Variants in ITCH observed in about 807,000 individuals in gnomAD.
The protein encoded by ITCH is itchy E3 ubiquitin protein ligase, also known as E3 ubiquitin-protein ligase Itchy homolog.
Under a neutral mutation model 126.8 loss-of-function variants are expected in ITCH, and 28 were observed. The ratio of observed to expected loss-of-function variants is 0.22; its 90% CI spans 0.16 to 0.30. The LOEUF (loss-of-function observed/expected upper bound fraction) is 0.30, where lower values mean the gene tolerates loss of function less well. Among genes scored for constraint, ITCH ranks in the 10% least tolerant of loss-of-function variants. The pLI is 1.00. For synonymous variants in ITCH, 342 were observed against 340.0 expected, an observed-to-expected ratio of 1.01 and a Z score of -0.06; for missense variants, 631 against 1,032.4, an observed-to-expected ratio of 0.61 and a Z score of 5.33.
intron 12 of ITCH, chr20:34,454,278 C>T (rs1162522635): frequency 9.2e-5 from 14 of 151,436 alleles, no homozygotes; most frequent in Admixed American, 9.2e-4. Context: ...GCTGGGACTA[C>T]AGGCGCCCGC....
At chr20:34,394,088 T>C (rs1339010910) in intron 3 of ITCH, among the ~76,000 whole-genome samples, 1 of 151,904 alleles carries the variant, frequency 6.6e-6, no homozygotes, top group Non-Finnish European at 1.5e-5. Context: ...GGTGCACACC[T>C]GCTGTCCCAG....
intron 17 of ITCH, among the ~76,000 whole-genome samples, chr20:34,478,691 G>A (rs1251412747): frequency 1.3e-5 from 2 of 152,046 alleles, no homozygotes; most frequent in African/African-American, 4.8e-5. Flanking sequence ...CTGTGTCTTT[G>A]TGTGCACGCT....
intron 2 of ITCH, among the ~76,000 whole-genome samples, chr20:34,374,833 G>A (rs1345851118): frequency 1.3e-5 from 2 of 151,150 alleles, no homozygotes; most frequent in Middle Eastern, 3.4e-3. Context: ...TCTGCCTCCC[G>A]GGTTCAAGCA....
chr20:34,406,445 A>G (rs1195036658), intron 3 of ITCH, among the ~76,000 whole-genome samples: 2 of 152,042 alleles, frequency 1.3e-5, no homozygotes, highest in South Asian at 2.1e-4. Context: ...GAAGTATTTG[A>G]TATATGTAAA....
chr20:34,427,683 T>C (rs1981733059), intron 7 of ITCH, among the ~76,000 whole-genome samples: 1 of 152,192 alleles, frequency 6.6e-6, no homozygotes, highest in Non-Finnish European at 1.5e-5. Context: ...ATTATGTCTC[T>C]TTTGTCTTTT....
chr20:34,419,984 CAG>C (rs1359114710), intron 6 of ITCH, among the ~76,000 whole-genome samples: 2 of 151,702 alleles, frequency 1.3e-5, no homozygotes, highest in African/African-American at 2.4e-5. Flanking sequence ...TATTAATAAA[CAG>C]ATTTAACGTT....
chr20:34,377,695 C>T (rs931626133), intron 2 of ITCH, among the ~76,000 whole-genome samples: 1 of 151,878 alleles, frequency 6.6e-6, no homozygotes, highest in African/African-American at 2.4e-5. Context: ...GAAACCCTGT[C>T]TCTACGAAAA....
At chr20:34,443,308 G>A (rs530014835) in intron 10 of ITCH, among the ~76,000 whole-genome samples, 27 of 151,890 alleles carry the variant, frequency 1.8e-4, no homozygotes, top group African/African-American at 6.3e-4. Context: ...TCAAGAGATC[G>A]AGACCATCCT....
At chr20:34,489,966 A>C (rs751110607) in intron 22 of ITCH, 40 bp downstream of exon 22, 2 of 1,458,758 alleles carry the variant, frequency 1.4e-6, no homozygotes, top group South Asian at 2.3e-5. Flanking sequence ...GACACAGCAT[A>C]ATTTTTTAGA....
chr20:34,412,665 T>A (rs1240949204), intron 5 of ITCH, 26 bp downstream of exon 5: 1 of 1,583,426 alleles, frequency 6.3e-7, no homozygotes, highest in Admixed American at 1.7e-5. Flanking sequence ...TAATAGAAAT[T>A]GCACTTAGCT....
At chr20:34,454,817 G>GTTTTTTTTTTTTTTTTTT (rs200486269) in intron 12 of ITCH, among the ~76,000 whole-genome samples, 1 of 109,558 alleles carries the variant, frequency 9.1e-6, no homozygotes, top group African/African-American at 3.8e-5. Flanking sequence ...TTCTTTTCCT[G>GTTTTTTTTTTTTTTTTTT]TTTTTTTTTT....
At chr20:34,475,017 G>A (rs1481085667) in intron 16 of ITCH, among the ~76,000 whole-genome samples, 2 of 151,670 alleles carry the variant, frequency 1.3e-5, no homozygotes, top group Non-Finnish European at 2.9e-5. Context: ...CATCCCAGAC[G>A]GGGCGGCGGG....
At chr20:34,394,155 T>C (rs555624652) in intron 3 of ITCH, among the ~76,000 whole-genome samples, 21 of 137,510 alleles carry the variant, frequency 1.5e-4, no homozygotes, top group Middle Eastern at 8.2e-3. Flanking sequence ...GAGGTTGCAG[T>C]GAGCTGAGTT....
At chr20:34,453,722 G>A (rs1241371694) in intron 12 of ITCH, among the ~76,000 whole-genome samples, 5 of 152,070 alleles carry the variant, frequency 3.3e-5, no homozygotes, top group South Asian at 2.1e-4. Context: ...GGCTGGGTAC[G>A]GTGGCTCATG....
chr20:34,408,903 C>A, intron 4 of ITCH, 111 bp downstream of exon 4: 2 of 1,091,002 alleles, frequency 1.8e-6, no homozygotes, highest in Non-Finnish European at 2.6e-6. Flanking sequence ...TTCCTCCTTT[C>A]TCTCTTCTTT....
intron 2 of ITCH, among the ~76,000 whole-genome samples, chr20:34,372,509 T>G (rs1427938612): frequency 6.8e-6 from 1 of 147,556 alleles, no homozygotes; most frequent in Admixed American, 6.9e-5. Flanking sequence ...GCCTCCTGAG[T>G]AGCTGGGATT....
chr20:34,401,721 A>G, intron 3 of ITCH: 1 of 772,024 alleles, frequency 1.3e-6, no homozygotes, highest in Non-Finnish European at 1.6e-6. Context: ...ATTAAAAAAA[A>G]AAAAAAGACT....
chr20:34,511,524 A>T lies in ITCH; in HGVS notation c.*3730A>T, dbSNP rs1276670828. 4 of 152,138 alleles carry T rather than the reference A, an allele frequency of 2.6e-5. No homozygotes were observed. The highest frequency in any genetic ancestry group is 9.7e-5 in the African/African-American group (4 of 41,408). 9.4% of individuals were successfully genotyped at this position (152,138 alleles called of 1,614,324 possible). A position where few individuals can be genotyped will look rare whatever the true frequency, so the allele number is the denominator to read the frequency against. On this transcript the variant is annotated 3_prime_UTR_variant, in exon 25 of 25. Coordinates refer to ENST00000374864, the MANE Select transcript of ITCH (RefSeq NM_031483.7). ...TCTCTGCTTTTTTAAGTGGCAAGTT[A>T]CAGCCCATCTGGATTGTGGTATTGT...
At chr20:34,456,144 T>A (rs1000577844) in intron 12 of ITCH, among the ~76,000 whole-genome samples, 1 of 144,510 alleles carries the variant, frequency 6.9e-6, no homozygotes, top group Non-Finnish European at 1.5e-5. Context: ...TTATTTTATA[T>A]ATATTTTTAT....
Sources: gnomAD v4.1 joint callset for allele counts (sites outside exome capture counted in the v4.1 genomes callset) on GRCh38, gnomAD v4.1.1 for gene constraint, MANE v1.5 for transcripts, NCBI Gene and HGNC (gene_info 2026-07-23, HGNC 2026-07-21) for gene names.